Variants in ZNF335 observed in about 807,000 individuals in gnomAD.
ZNF335 encodes zinc finger protein 335, also known as NRC-interacting factor 1.
In ZNF335, 84 loss-of-function variants were observed where a neutral mutation model predicts 145.6. The observed-to-expected ratio is 0.58, with a 90% CI of 0.48 to 0.69. ZNF335 has a LOEUF of 0.69. Among genes scored for constraint, ZNF335 ranks in the 30% least tolerant of loss-of-function variants. ZNF335 has a pLI of 0.00. For synonymous variants in ZNF335, 761 were observed against 717.0 expected (o/e 1.06, Z -0.98); for missense variants, 1,865 against 1,809.7 (o/e 1.03, Z -0.55).
At chr20:45,970,240 G>A (rs1188834129) in intron 2 of ZNF335, 1 of 152,878 alleles carries the variant, frequency 6.5e-6, no homozygotes, top group Non-Finnish European at 1.5e-5. Context: ...CTTTTCCTCT[G>A]CTGTATTTCC....
At position 45,959,195 on chromosome 20, in the gene ZNF335, C is replaced by A; in HGVS notation, c.2253+6G>T. Reference sequence around the variant, plus strand: ...TCTGTCATCCTGACCCATGCCCCGACCTTACCTCAGGAGGTCCTGGGGAAC... The same window carrying A: ...TCTGTCATCCTGACCCATGCCCCGAACTTACCTCAGGAGGTCCTGGGGAAC... On this transcript the variant is annotated splice_donor_region_variant and intron_variant, in intron 15 of 27. Coordinates refer to ENST00000322927, the MANE Select transcript of ZNF335 (RefSeq NM_022095.4). 7.3e-7 allele frequency: 1 copy of A among 1,364,412 alleles called. No individual in the cohort carries two copies. The allele number at this position is 1,364,412 out of a possible 1,614,324, so 84.5% of individuals were successfully genotyped here.
intron 14 of ZNF335, 65 bp from the exon 15 acceptor site, chr20:45,959,498 T>C (rs1190232656): frequency 8.0e-7 from 1 of 1,243,712 alleles, no homozygotes; most frequent in Admixed American, 3.6e-5. Context: ...CCAGGAATCC[T>C]TTCTTGACCC....
At chr20:45,949,776 G>T (rs766190081) in intron 24 of ZNF335, 24 bp downstream of exon 24, 3 of 1,613,312 alleles carry the variant, frequency 1.9e-6, no homozygotes, top group Non-Finnish European at 1.7e-6. Context: ...CAGCTGAGGG[G>T]ATTAACAGTA....
chr20:45,962,573 C>A (rs563377619), intron 9 of ZNF335, among the ~76,000 whole-genome samples: 1 of 152,284 alleles, frequency 6.6e-6, no homozygotes, highest in South Asian at 2.1e-4. Flanking sequence ...GTGCACAGAG[C>A]ACAGGGGCTC....
intron 7 of ZNF335, 182 bp from the exon 8 acceptor site, chr20:45,964,172 C>G (rs915046818): frequency 2.8e-5 from 19 of 674,794 alleles, no homozygotes; most frequent in Non-Finnish European, 4.1e-5. Context: ...TACCGCCCAA[C>G]AGCCGACATT....
chr20:45,955,777 G>A (rs895683741), intron 17 of ZNF335, among the ~76,000 whole-genome samples: 42 of 150,516 alleles, frequency 2.8e-4, no homozygotes, highest in Non-Finnish European at 2.1e-4. Flanking sequence ...CCAACATCAC[G>A]CCACTGCACT....
chr20:45,954,530 T>G (rs1263757881), intron 17 of ZNF335, among the ~76,000 whole-genome samples: 1 of 152,056 alleles, frequency 6.6e-6, no homozygotes, highest in Non-Finnish European at 1.5e-5. Flanking sequence ...CAGAGAAAGA[T>G]AAAACCTAGA....
intron 9 of ZNF335, 24 bp from the exon 10 acceptor site, chr20:45,962,206 T>C (rs781513217): frequency 6.3e-6 from 10 of 1,599,678 alleles, no homozygotes; most frequent in Non-Finnish European, 8.6e-6. Flanking sequence ...AAAAGGATGG[T>C]GGGCTGGGGC....
In ZNF335 at chr20:45,969,481, CGAT is replaced by C; in HGVS notation, c.409_411del (p.Ile137del). ...ATGAGGTCGGGCCCGATGGTGGACT[CGAT>C]GATCTTGTCGATGGCCGAGCCCAGG... On this transcript the variant is annotated inframe_deletion, in exon 3 of 28. Coordinates refer to ENST00000322927, the MANE Select transcript of ZNF335 (RefSeq NM_022095.4). The C allele has an allele frequency of 2.6e-6, 4 of 1,558,904 alleles. No individual in the cohort carries two copies. The highest frequency in any genetic ancestry group is 3.5e-6 in the Non-Finnish European group (4 of 1,142,302).
At chr20:45,953,440 A>T (rs1454483799) in intron 18 of ZNF335, among the ~76,000 whole-genome samples, 7 of 152,188 alleles carry the variant, frequency 4.6e-5, no homozygotes, top group Non-Finnish European at 1.0e-4. Context: ...CCTCATTTGT[A>T]AAACAAGGGA....
At chr20:45,949,656 G>C (rs920482240) in intron 24 of ZNF335, 88 bp from the exon 25 acceptor site, 17 of 1,469,120 alleles carry the variant, frequency 1.2e-5, no homozygotes, top group Non-Finnish European at 1.6e-5. Flanking sequence ...TGGAAGACTA[G>C]GAACAGCCAC....
chr20:45,967,612 AGCTGCTGCTGCG>A lies in ZNF335; in HGVS notation c.825_836del (p.Ala276_Ala279del). The A allele has an allele frequency of 6.2e-7, 1 of 1,613,928 alleles. No individual in the cohort carries two copies. The highest frequency in any genetic ancestry group is 8.5e-7 in the Non-Finnish European group (1 of 1,180,004). On this transcript the variant is annotated inframe_deletion, in exon 6 of 28. Coordinates refer to ENST00000322927, the MANE Select transcript of ZNF335 (RefSeq NM_022095.4). Reference sequence around the variant, plus strand: ...ACTTCCGTAGACGTCCTTTTTTACCAGCTGCTGCTGCGGCTGCTGCTACTGGAAGTGGAGGGA... The same window carrying A: ...ACTTCCGTAGACGTCCTTTTTTACCAGCTGCTGCTACTGGAAGTGGAGGGA...
chr20:45,949,717 G>C (rs2083592652), intron 24 of ZNF335, 83 bp downstream of exon 24: 1 of 1,549,616 alleles, frequency 6.5e-7, no homozygotes, highest in African/African-American at 1.4e-5. Flanking sequence ...GGGTGGTTTG[G>C]AAAGTATCAT....
chr20:45,964,128 C>CA lies in ZNF335; in HGVS notation c.1103-139dup. ...GATGGGTGCATTGAGTCACATGACACAGACAGCCTGTGGTTAGAGGGCAGC... is the reference window on the plus strand; with the variant it reads ...GATGGGTGCATTGAGTCACATGACACAAGACAGCCTGTGGTTAGAGGGCAGC... On this transcript the variant is annotated intron_variant, in intron 7 of 27. Transcript: ENST00000322927. 6.5e-6 allele frequency: 7 copies of CA among 1,080,672 alleles called. No individual in the cohort carries two copies. The South Asian group carries it at 9.7e-5, about 15-fold the overall frequency. The allele number at this position is 1,080,672 out of a possible 1,614,324, so 66.9% of individuals were successfully genotyped here.
In ZNF335 at chr20:45,967,864, C is replaced by A. The variant is rs772138559; in HGVS notation, c.684G>T (p.Pro228=). ...TCATGGCCTCCAGGCTCTGCAGGTC[C>A]GGCTCTTCGGCACCGGAGGCTGGGG... The part of the protein sequence containing the change: ...QLPPASGAEE[P]DLQSLEAMME... Residue 228 remains proline (P), a synonymous_variant, in exon 5 of 28, where the codon CCG becomes CCT. Transcript: ENST00000322927. 3.7e-6 allele frequency: 6 copies of A among 1,613,236 alleles called. No individual in the cohort carries two copies. In the African/African-American group the frequency reaches 8.0e-5, roughly 22 times the overall value.
At chr20:45,968,217 C>T in intron 4 of ZNF335, 68 bp downstream of exon 4, 1 of 1,561,874 alleles carries the variant, frequency 6.4e-7, no homozygotes, top group Non-Finnish European at 8.8e-7. Context: ...GAATCCGCGG[C>T]AGAACCTGTC....
In ZNF335 at chr20:45,960,683, G is replaced by C. The variant is rs1388565536; in HGVS notation, c.1715C>G (p.Pro572Arg). ...FPCPVCGRVY[P>R]MQKRLTQHMK... ...GTGCTGCGTGAGTCTTTTCTGCATG[G>C]GGTACACACGGCCACACACAGGGCA... The change falls in exon 12 of 28, where the codon CCC becomes CGC. Residue 572 changes from proline (P) to arginine (R), a missense_variant. By Grantham distance (103) the Pro-to-Arg change is moderately radical. Coordinates refer to ENST00000322927, the MANE Select transcript of ZNF335 (RefSeq NM_022095.4). 1.2e-6 allele frequency: 2 copies of C among 1,614,088 alleles called. No homozygotes were observed. Among genetic ancestry groups the C allele is most frequent in the Non-Finnish European group, 1.7e-6 (2 of 1,180,014 alleles).
chr20:45,971,792 T>C (rs2084073894), intron 1 of ZNF335: 5 of 985,152 alleles, frequency 5.1e-6, no homozygotes, highest in Admixed American at 6.1e-5. Context: ...TCCCCCCGGG[T>C]TGCAGGGCCG....
intron 17 of ZNF335, among the ~76,000 whole-genome samples, chr20:45,956,042 G>A (rs923980424): frequency 2.0e-5 from 3 of 152,054 alleles, no homozygotes; most frequent in African/African-American, 7.3e-5. Context: ...GGTAAAAGAT[G>A]ACGCTGAGGA....
Sources: gnomAD v4.1 joint callset for allele counts (sites outside exome capture counted in the v4.1 genomes callset) on GRCh38, gnomAD v4.1.1 for gene constraint, MANE v1.5 for transcripts, NCBI Gene and HGNC (gene_info 2026-07-23, HGNC 2026-07-21) for gene names.